The following CA4 variants were observed in gnomAD, a reference collection of about 807,000 sequenced individuals.
The protein encoded by CA4 is CA-IV.
CA4 carries 24 observed loss-of-function variants against 34.5 expected under a neutral mutation model. The ratio of observed to expected loss-of-function variants is 0.70; its 90% confidence interval spans 0.50 to 0.98. The LOEUF (loss-of-function observed/expected upper bound fraction) is 0.98. Ranked by LOEUF, CA4 falls within the 50% of genes least tolerant of loss-of-function variation. CA4 has a pLI of 0.00. For missense variants in CA4, 394 were observed against 396.7 expected (o/e 0.99, Z 0.06); for synonymous variants, 178 against 170.6 (o/e 1.04, Z -0.34).
intron 1 of CA4, among the ~76,000 whole-genome samples, chr17:60,152,647 C>T (rs1026475337): frequency 6.6e-6 from 1 of 152,214 alleles, no homozygotes; most frequent in African/African-American, 2.4e-5. Context: ...GAATGGCTGC[C>T]CCCGGGCCCT....
At chr17:60,156,747 G>A (rs375821760) in intron 3 of CA4, 32 bp downstream of exon 3, 1 of 1,605,854 alleles carries the variant, frequency 6.2e-7, no homozygotes, top group Non-Finnish European at 8.5e-7. Flanking sequence ...GGCAGGCCTG[G>A]GCACCCGAGT....
intron 3 of CA4, chr17:60,157,031 A>G (rs2083699408): frequency 1.9e-6 from 1 of 521,786 alleles, no homozygotes; most frequent in Non-Finnish European, 3.5e-6. Flanking sequence ...AAGGACAGAC[A>G]GTGAAGCCAG....
At chr17:60,172,822 C>A (rs148861053), downstream of CA4, among the ~76,000 whole-genome samples, 3 of 150,346 alleles carry the variant, frequency 2.0e-5, no homozygotes, top group African/African-American at 7.3e-5. Context: ...CCAGCCTGGG[C>A]GACAAGAGTG....
At chr17:60,173,098 G>A (rs1343271983), downstream of CA4, among the ~76,000 whole-genome samples, 2 of 151,886 alleles carry the variant, frequency 1.3e-5, no homozygotes, top group African/African-American at 2.4e-5. Context: ...AGCTGGGATC[G>A]CTCCATTGCA....
In CA4 at chr17:60,170,379, C is replaced by T. The variant is rs1386208254; in HGVS notation, c.*179-172C>T. Reference sequence around the variant, plus strand: ...ATAGCATATTGGACTCCTGTCCTTCCCATCCCACCTCTGAAATGATCACAC... The same window carrying T: ...ATAGCATATTGGACTCCTGTCCTTCTCATCCCACCTCTGAAATGATCACAC... On this transcript the variant is annotated intron_variant and NMD_transcript_variant, in intron 5 of 5. Coordinates refer to the CA4 transcript ENST00000586876. 3.3e-5 allele frequency among the ~76,000 whole-genome samples: 5 copies of T among 152,258 alleles called. No individual in the cohort carries two copies. The East Asian group carries it at 9.7e-4, about 29-fold the overall frequency.
At chr17:60,176,763 T>C in the CA4 span, among the ~76,000 whole-genome samples, 1 of 152,164 alleles carries the variant, frequency 6.6e-6, no homozygotes, top group Non-Finnish European at 1.5e-5. Context: ...ACTGGTGTTG[T>C]GGAAGACAAT....
chr17:60,150,140 G>T (rs774867559), intron 1 of CA4, 48 bp downstream of exon 1: 4 of 1,477,900 alleles, frequency 2.7e-6, no homozygotes, highest in African/African-American at 1.4e-5. Context: ...GGTCCCCTCC[G>T]TGCCCCCAGC....
At chr17:60,164,823 C>A (rs2083839049) in intron 5 of CA4, among the ~76,000 whole-genome samples, 1 of 151,960 alleles carries the variant, frequency 6.6e-6, no homozygotes, top group Non-Finnish European at 1.5e-5. Context: ...ACAGGAGCAC[C>A]AGGTTTACGA....
In CA4 at chr17:60,158,205, A is replaced by G; in HGVS notation, c.580+78A>G. 2.5e-6 allele frequency: 4 copies of G among 1,605,422 alleles called. No homozygotes were observed. In the South Asian group the frequency reaches 4.4e-5, roughly 18 times the overall value. ...CAAAGGAAGGGGTGGGTGTGCGGGG[A>G]GCTGGGCTCTCAGAGTGCAGGGGAA... On this transcript the variant is annotated intron_variant, in intron 6 of 7. Transcript: ENST00000300900.
At chr17:60,157,317 T>G in intron 3 of CA4, 110 bp from the exon 4 acceptor site, 1 of 798,400 alleles carries the variant, frequency 1.3e-6, no homozygotes, top group East Asian at 6.2e-5. Flanking sequence ...CCAGAGCTCA[T>G]GAAGGTTGGG....
At chr17:60,173,274 TTA>T (rs1179722912), downstream of CA4, among the ~76,000 whole-genome samples, 1 of 152,266 alleles carries the variant, frequency 6.6e-6, no homozygotes, top group African/African-American at 2.4e-5. Flanking sequence ...TGAAATACTT[TTA>T]TTACAACTGG....
chr17:60,157,174 G>T (rs117723338), intron 3 of CA4, among the ~76,000 whole-genome samples: 1 of 152,224 alleles, frequency 6.6e-6, no homozygotes, highest in Admixed American at 6.5e-5. Context: ...GAGGCACCAG[G>T]ACAGAGCTGC....
At chr17:60,166,736 T>A (rs1367472813) in intron 5 of CA4, among the ~76,000 whole-genome samples, 2 of 151,764 alleles carry the variant, frequency 1.3e-5, no homozygotes, top group Non-Finnish European at 2.9e-5. Flanking sequence ...GGGGGGCGGA[T>A]CACCTGAGGT....
chr17:60,163,565 T>G (rs1232151514), downstream of CA4, among the ~76,000 whole-genome samples: 1 of 152,192 alleles, frequency 6.6e-6, no homozygotes, highest in Non-Finnish European at 1.5e-5. Context: ...CTAGCCGCTC[T>G]GTTTGTTTAT....
chr17:60,156,714 A>T lies in CA4; in HGVS notation c.267A>T (p.Ser89=). ...GGACTGTCCAAAATAACGGGCACTC[A>T]GGTGGGCTGGATGGAGGCCCCAGGC... ...QTWTVQNNGH[S]VMMLLENKAS... is the part of the protein sequence containing the mutation. Residue 89 remains serine, a splice_region_variant and synonymous_variant, in exon 3 of 8, where the codon TCA becomes TCT. Transcript: ENST00000300900. 1 of 1,613,968 alleles carries T rather than the reference A, an allele frequency of 6.2e-7. No individual in the cohort carries two copies. Among genetic ancestry groups the T allele is most frequent in the Non-Finnish European group, 8.5e-7 (1 of 1,179,858 alleles).
chr17:60,171,699 C>G (rs2083912361), downstream of CA4, among the ~76,000 whole-genome samples: 1 of 152,204 alleles, frequency 6.6e-6, no homozygotes, highest in South Asian at 2.1e-4. Flanking sequence ...CACTACACCC[C>G]CCACTGTCAC....
chr17:60,157,934 C>T (rs1484076362), intron 5 of CA4, 127 bp from the exon 6 acceptor site: 3 of 1,553,246 alleles, frequency 1.9e-6, no homozygotes, highest in Non-Finnish European at 2.6e-6. Context: ...GTCCCCGGGC[C>T]AGGTGGGGAG....
downstream of CA4, among the ~76,000 whole-genome samples, chr17:60,171,866 G>A (rs1231566833): frequency 1.3e-5 from 2 of 152,184 alleles, no homozygotes; most frequent in African/African-American, 4.8e-5. Flanking sequence ...ATTCACAGGG[G>A]GAACCGAGGC....
chr17:60,160,878 G>A (rs944346987), downstream of CA4, among the ~76,000 whole-genome samples: 21 of 140,758 alleles, frequency 1.5e-4, no homozygotes, highest in African/African-American at 4.6e-4. Flanking sequence ...CAGGGAGGGA[G>A]CCTTCCAGAG....
Sources: gnomAD v4.1 joint callset for allele counts (sites outside exome capture counted in the v4.1 genomes callset) on GRCh38, gnomAD v4.1.1 for gene constraint, MANE v1.5 for transcripts, NCBI Gene and HGNC (gene_info 2026-07-23, HGNC 2026-07-21) for gene names.